Variants in DYRK3 observed in about 807,000 individuals in gnomAD.
DYRK3 encodes the protein dual specificity tyrosine-phosphorylation-regulated kinase 3.
Under a neutral mutation model 40.8 loss-of-function variants are expected in DYRK3, and 30 were observed. That is an observed-to-expected ratio of 0.74 (90% CI 0.55 to 1.00). DYRK3 has a LOEUF of 1.00. Among genes scored for constraint, DYRK3 ranks in the 50% least tolerant of loss-of-function variants. The pLI, the probability that DYRK3 is intolerant of heterozygous loss-of-function variation, is 0.00. For missense variants in DYRK3, 699 were observed against 731.5 expected (o/e 0.96, Z 0.51); for synonymous variants, 272 against 260.7 (o/e 1.04, Z -0.42).
rs541917497 is a variant in DYRK3 at position 206,651,772 on chromosome 1, T to C, written c.*2807T>C. Among the ~76,000 whole-genome samples the C allele has an allele frequency of 3.3e-5, 5 of 152,354 alleles. No individual in the cohort carries two copies. Among genetic ancestry groups the C allele is most frequent in the African/African-American group, 1.2e-4 (5 of 41,582 alleles). On this transcript the variant is annotated 3_prime_UTR_variant, in exon 3 of 3. Coordinates refer to ENST00000367109, the MANE Select transcript of DYRK3 (RefSeq NM_003582.4). The stretch of plus-strand genomic sequence containing the variant: ...TGGCTTAACTGCAGATCAGGGAGCA[T>C]TGAACCTCTACAATTTGCTGCATTG...
In DYRK3 at chr1:206,635,719, C is replaced by T; in HGVS notation, c.16C>T (p.Arg6Cys). The part of the protein sequence containing the change: MGGTA[R>C]GPGRKDAGPP... ...GAGCTAGGAGATGGGAGGCACAGCTCGTGGGCCTGGGCGGAAGGATGCGGG... is the reference window on the plus strand; with the variant it reads ...GAGCTAGGAGATGGGAGGCACAGCTTGTGGGCCTGGGCGGAAGGATGCGGG... Residue 6 changes from arginine to cysteine, a missense_variant, in exon 1 of 3, where the codon CGT (arginine) becomes TGT (cysteine). Coordinates refer to ENST00000367109, the MANE Select transcript of DYRK3 (RefSeq NM_003582.4). The T allele has an allele frequency of 8.0e-7, 1 of 1,247,624 alleles. No individual in the cohort carries two copies. Among genetic ancestry groups the T allele is most frequent in the Admixed American group, 4.2e-5 (1 of 23,778 alleles). The allele number at this position is 1,247,624 out of a possible 1,614,324, so 77.3% of individuals were successfully genotyped here. A position where few individuals can be genotyped will look rare whatever the true frequency, so the allele number is the denominator to read the frequency against.
Position 206,648,622 on chromosome 1 carries a change from G to C in DYRK3, c.1424G>C (p.Arg475Pro), listed in dbSNP as rs202021957. 6.2e-7 allele frequency: 1 copy of C among 1,613,660 alleles called. No homozygotes were observed. The highest frequency in any genetic ancestry group is 2.2e-5 in the East Asian group (1 of 44,876). ...VGGRSRRGKKRGPPGSKDWGT... is the reference protein window; with the variant it reads ...VGGRSRRGKKPGPPGSKDWGT... ...GGTCGCTCACGTAGGGGTAAAAAGCGGGGTCCCCCAGGCAGCAAAGACTGG... is the reference window on the plus strand; with the variant it reads ...GGTCGCTCACGTAGGGGTAAAAAGCCGGGTCCCCCAGGCAGCAAAGACTGG... The change falls in exon 3 of 3, where the codon CGG (arginine) becomes CCG (proline). Residue 475 changes from arginine to proline, a missense_variant. By Grantham distance (103) the Arg-to-Pro change is moderately radical. Transcript: ENST00000367109.
At position 206,651,348 on chromosome 1, in the gene DYRK3, AATC is replaced by A. The variant is rs564550733; in HGVS notation, c.*2389_*2391del. On this transcript the variant is annotated 3_prime_UTR_variant, in exon 3 of 3. Coordinates refer to ENST00000367109, the MANE Select transcript of DYRK3 (RefSeq NM_003582.4). ...AGGTTTGGGAATTTTGCAGGTGCTA[AATC>A]ATCATGGCCAGGAAGATGAAACACC... 1.6e-3 allele frequency among the ~76,000 whole-genome samples: 241 copies of A among 152,330 alleles called. 5 individuals are homozygous for A. The highest frequency in any genetic ancestry group is 5.6e-3 in the African/African-American group (231 of 41,568).
chr1:206,635,788 C>A lies in DYRK3; in HGVS notation c.77+8C>A, dbSNP rs1671085813. ...CCCGCCCCAGCAGCGGAGGTAACGG[C>A]GCCACGGGGTAACGGGCTGGAGGCG... On this transcript the variant is annotated splice_region_variant and intron_variant, in intron 1 of 2. Transcript: ENST00000367109. 14 of 1,242,920 alleles carry A rather than the reference C, an allele frequency of 1.1e-5. No individual in the cohort carries two copies. The highest frequency in any genetic ancestry group is 1.4e-5 in the Non-Finnish European group (14 of 989,704). 77.0% of individuals were successfully genotyped at this position (1,242,920 alleles called of 1,614,324 possible). A position where few individuals can be genotyped will look rare whatever the true frequency, so the allele number is the denominator to read the frequency against.
chr1:206,648,738 G>A lies in DYRK3; in HGVS notation c.1540G>A (p.Ala514Thr). Residue 514 changes from alanine to threonine, a missense_variant, in exon 3 of 3, where the codon GCT becomes ACT. Physicochemically the swap from Ala to Thr is moderately conservative, Grantham distance 58. Coordinates refer to ENST00000367109, the MANE Select transcript of DYRK3 (RefSeq NM_003582.4). ...GGACCCCTCTGCCCGCTTGACCCCA[G>A]CTCAAGCATTAAGACACCCTTGGAT... ...HWDPSARLTPAQALRHPWISK... is the reference protein window; with the variant it reads ...HWDPSARLTPTQALRHPWISK... 1 of 1,614,060 alleles carries A rather than the reference G, an allele frequency of 6.2e-7. No homozygotes were observed.
intron 2 of DYRK3, among the ~76,000 whole-genome samples, chr1:206,646,593 G>A (rs1553420158): frequency 6.6e-6 from 1 of 152,192 alleles, no homozygotes; most frequent in Admixed American, 6.5e-5. Context: ...GAGCTTTTGT[G>A]ATTCAATGAA....
At chr1:206,636,774 G>T in intron 1 of DYRK3, 1 of 635,606 alleles carries the variant, frequency 1.6e-6, no homozygotes, top group South Asian at 2.4e-5. Flanking sequence ...GCTGATGTGT[G>T]TAACTGGGAA....
At position 206,648,425 on chromosome 1, in the gene DYRK3, C is replaced by T. The variant is rs146045931; in HGVS notation, c.1227C>T (p.Phe409=). 3.1e-6 allele frequency: 5 copies of T among 1,614,044 alleles called. No homozygotes were observed. Among genetic ancestry groups the T allele is most frequent in the Non-Finnish European group, 4.2e-6 (5 of 1,180,028 alleles). ...LAELLTGQPL[F]PGEDEGDQLA... ...AACTTTTAACAGGACAGCCTCTCTT[C>T]CCTGGAGAGGATGAAGGAGACCAGT... Residue 409 remains phenylalanine, a synonymous_variant, in exon 3 of 3, where the codon TTC becomes TTT. Coordinates refer to ENST00000367109, the MANE Select transcript of DYRK3 (RefSeq NM_003582.4).
rs1553420815 is a variant in DYRK3, at chr1:206,648,659, G to A, written c.1461G>A (p.Leu487=). 6.2e-7 allele frequency: 1 copy of A among 1,614,006 alleles called. No individual in the cohort carries two copies. The change falls in exon 3 of 3, where the codon CTG becomes CTA. Residue 487 remains leucine (L), a synonymous_variant. Transcript: ENST00000367109. ...GCAGCAAAGACTGGGGGACAGCACTGAAAGGGTGTGATGACTACTTGTTTA... is the reference window on the plus strand; with the variant it reads ...GCAGCAAAGACTGGGGGACAGCACTAAAAGGGTGTGATGACTACTTGTTTA... ...PPGSKDWGTA[L]KGCDDYLFIE...
intron 2 of DYRK3, among the ~76,000 whole-genome samples, chr1:206,638,128 CAGG>C (rs1157158593): frequency 2.0e-5 from 3 of 152,102 alleles, no homozygotes; most frequent in Admixed American, 1.3e-4. Flanking sequence ...CATAGATCTG[CAGG>C]AGTTTTTTTT....
chr1:206,635,859 A>AGGAGGTAGAGTGAGCCCTC, intron 1 of DYRK3, 79 bp downstream of exon 1: 1 of 1,240,716 alleles, frequency 8.1e-7, no homozygotes, highest in Non-Finnish European at 1.0e-6. Context: ...GGGGGTGGGG[A>AGGAGGTAGAGTGAGCCCTC]GGAGGTAGAG....
chr1:206,645,164 T>G (rs782197262), intron 2 of DYRK3, among the ~76,000 whole-genome samples: 1 of 152,222 alleles, frequency 6.6e-6, no homozygotes, highest in African/African-American at 2.4e-5. Context: ...TTTTTAATAT[T>G]GTTTTTTGTT....
At chr1:206,638,571 G>T (rs1196165853) in intron 2 of DYRK3, among the ~76,000 whole-genome samples, 2 of 150,650 alleles carry the variant, frequency 1.3e-5, no homozygotes, top group Non-Finnish European at 3.0e-5. Flanking sequence ...ACCGTGCTTG[G>T]CAGCTTTTTT....
chr1:206,652,445 A>G lies in DYRK3; in HGVS notation c.*3480A>G, dbSNP rs1403540250. ...TCTATTTCTGTGTATCGAATGGACTACAAGGTTACTGAAACTGGGCTAAGG... is the reference window on the plus strand; with the variant it reads ...TCTATTTCTGTGTATCGAATGGACTGCAAGGTTACTGAAACTGGGCTAAGG... On this transcript the variant is annotated 3_prime_UTR_variant, in exon 3 of 3. Transcript: ENST00000367109. Among the ~76,000 whole-genome samples the G allele has an allele frequency of 6.6e-6, 1 of 152,206 alleles. No individual in the cohort carries two copies. The highest frequency in any genetic ancestry group is 1.9e-4 in the East Asian group (1 of 5,198).
chr1:206,648,427 C>T lies in DYRK3; in HGVS notation c.1229C>T (p.Pro410Leu), dbSNP rs577775196. 9 of 1,614,166 alleles carry T rather than the reference C, an allele frequency of 5.6e-6. No homozygotes were observed. The African/African-American group carries it at 8.0e-5, about 14-fold the overall frequency. ...CTTTTAACAGGACAGCCTCTCTTCC[C>T]TGGAGAGGATGAAGGAGACCAGTTG... is the stretch of plus-strand genomic sequence containing the variant. ...AELLTGQPLF[P>L]GEDEGDQLAC... Residue 410 changes from proline to leucine, a missense_variant, in exon 3 of 3, where the codon CCT (proline) becomes CTT (leucine). Physicochemically the swap from Pro to Leu is moderately conservative, Grantham distance 98. Transcript: ENST00000367109.
In DYRK3 at chr1:206,649,196, C is replaced by T. The variant is rs1273231342; in HGVS notation, c.*231C>T. On this transcript the variant is annotated 3_prime_UTR_variant, in exon 3 of 3. Transcript: ENST00000367109. ...TTAAATGACTTTTTATAGGTCAATG[C>T]ATCTTTGTTATTATCGTCAGATGTA... is the stretch of plus-strand genomic sequence containing the variant. 4.1e-6 allele frequency: 2 copies of T among 486,928 alleles called. No individual in the cohort carries two copies. Among genetic ancestry groups the T allele is most frequent in the Non-Finnish European group, 7.3e-6 (2 of 274,806 alleles). 30.2% of individuals were successfully genotyped at this position (486,928 alleles called of 1,614,324 possible). A position where few individuals can be genotyped will look rare whatever the true frequency, so the allele number is the denominator to read the frequency against.
chr1:206,641,391 GT>G (rs1333022541), intron 2 of DYRK3, among the ~76,000 whole-genome samples: 1 of 142,016 alleles, frequency 7.0e-6, no homozygotes, highest in African/African-American at 2.9e-5. Flanking sequence ...TTCCATCCAG[GT>G]TGCTGTGAAT....
At chr1:206,638,266 T>C (rs1450892237) in intron 2 of DYRK3, among the ~76,000 whole-genome samples, 1 of 139,108 alleles carries the variant, frequency 7.2e-6, no homozygotes, top group African/African-American at 2.6e-5. Context: ...CTGCAGACAC[T>C]TAGCTTTTTT....
In DYRK3 at chr1:206,648,581, G is replaced by T. The variant is rs782466712; in HGVS notation, c.1383G>T (p.Arg461Ser). 1.2e-6 allele frequency: 2 copies of T among 1,614,122 alleles called. No individual in the cohort carries two copies. Among genetic ancestry groups the T allele is most frequent in the Non-Finnish European group, 1.7e-6 (2 of 1,180,002 alleles). The change falls in exon 3 of 3, where the codon AGG becomes AGT. Residue 461 changes from arginine to serine, a missense_variant. By Grantham distance (110) the Arg-to-Ser change is moderately radical. Transcript: ENST00000367109. ...YCSVTTQADG[R>S]VVLVGGRSRR... ...CTGTGACTACCCAGGCAGATGGGAG[G>T]GTTGTGCTTGTGGGGGGTCGCTCAC... is the stretch of plus-strand genomic sequence containing the variant.
Sources: allele counts gnomAD v4.1 joint callset (sites outside exome capture counted in the v4.1 genomes callset), GRCh38; gene constraint gnomAD v4.1.1; transcripts MANE v1.5; gene names NCBI Gene and HGNC (gene_info 2026-07-23, HGNC 2026-07-21).